KCNMA1: variants seen among roughly 807,000 people sequenced by gnomAD.
KCNMA1 encodes the protein Calcium-activated potassium channel subunit alpha-1.
In KCNMA1, 29 loss-of-function variants were observed where a neutral mutation model predicts 140.0. That is an observed-to-expected ratio of 0.21 (90% CI 0.15 to 0.28). The LOEUF is 0.28. Among genes scored for constraint, KCNMA1 ranks in the 10% least tolerant of loss-of-function variants. The pLI is 1.00. For synonymous variants in KCNMA1, 612 were observed against 611.9 expected (o/e 1.00, Z 0.00); for missense variants, 880 against 1,602.2 (o/e 0.55, Z 7.70).
intron 5 of KCNMA1, chr10:77,140,791 A>G (rs2574802): frequency 0.4 from 60,470 of 151,900 alleles, 13,177 homozygotes; most frequent in East Asian, 0.88. Flanking sequence ...CGGGGGAAGC[A>G]CTCTGATCCA....
At chr10:77,052,820 G>A (rs2095417461) in intron 14 of KCNMA1, among the ~76,000 whole-genome samples, 1 of 152,046 alleles carries the variant, frequency 6.6e-6, no homozygotes, top group Non-Finnish European at 1.5e-5. Flanking sequence ...TTGCAGTCAA[G>A]CAGACCCATG....
intron 5 of KCNMA1, among the ~76,000 whole-genome samples, chr10:77,162,402 G>A (rs550440715): frequency 5.9e-5 from 9 of 152,264 alleles, no homozygotes; most frequent in Middle Eastern, 3.4e-3. Context: ...ATTAAGACAG[G>A]CCAGAAACAG....
At chr10:77,568,679 C>T (rs1165542810) in intron 1 of KCNMA1, among the ~76,000 whole-genome samples, 4 of 148,942 alleles carry the variant, frequency 2.7e-5, no homozygotes, top group Non-Finnish European at 4.5e-5. Context: ...TGGCACAAGA[C>T]AGGGATGCCC....
chr10:76,892,789 A>G (rs531080046), intron 25 of KCNMA1, among the ~76,000 whole-genome samples: 7 of 152,196 alleles, frequency 4.6e-5, no homozygotes, highest in Non-Finnish European at 1.0e-4. Flanking sequence ...TCTCGTCTGT[A>G]AAATAACAGT....
chr10:76,964,594 A>G (rs1303120001), intron 20 of KCNMA1, among the ~76,000 whole-genome samples: 1 of 152,138 alleles, frequency 6.6e-6, no homozygotes, highest in Non-Finnish European at 1.5e-5. Flanking sequence ...TTACTTAGCT[A>G]AGCTGTCCCT....
At chr10:77,586,742 A>G (rs1236147767) in intron 1 of KCNMA1, among the ~76,000 whole-genome samples, 1 of 152,226 alleles carries the variant, frequency 6.6e-6, no homozygotes, top group African/African-American at 2.4e-5. Flanking sequence ...TGTGCATACC[A>G]GTGGAGTACT....
intron 9 of KCNMA1, among the ~76,000 whole-genome samples, chr10:77,096,358 C>T (rs907839269): frequency 1.3e-5 from 2 of 152,104 alleles, no homozygotes; most frequent in South Asian, 2.1e-4. Flanking sequence ...GTTCTCTGTC[C>T]GACCTTAGTT....
intron 2 of KCNMA1, among the ~76,000 whole-genome samples, chr10:77,295,143 T>C (rs1213149044): frequency 6.7e-6 from 1 of 148,354 alleles, no homozygotes; most frequent in African/African-American, 2.5e-5. Flanking sequence ...AGGACAGGAG[T>C]TCAAGACCAG....
intron 2 of KCNMA1, among the ~76,000 whole-genome samples, chr10:77,359,734 G>C (rs1028508106): frequency 6.6e-6 from 1 of 152,234 alleles, no homozygotes; most frequent in African/African-American, 2.4e-5. Context: ...TGCCCACGGA[G>C]ATGGGAGCTC....
At chr10:77,464,277 C>T (rs1364713527) in intron 1 of KCNMA1, among the ~76,000 whole-genome samples, 1 of 152,124 alleles carries the variant, frequency 6.6e-6, no homozygotes, top group African/African-American at 2.4e-5. Context: ...ATCTGCAGGC[C>T]TCGGAAGCAT....
chr10:76,887,849 T>C (rs1358646243), intron 27 of KCNMA1: 1 of 350,420 alleles, frequency 2.9e-6, no homozygotes, highest in Admixed American at 4.2e-5. Context: ...AGAGGTTTCA[T>C]GAAGTGTGAT....
At chr10:77,189,255 G>C (rs1013557113) in intron 3 of KCNMA1, among the ~76,000 whole-genome samples, 1 of 152,112 alleles carries the variant, frequency 6.6e-6, no homozygotes, top group Non-Finnish European at 1.5e-5. Context: ...TGCTGCTCGA[G>C]AAGCTTCCCA....
intron 1 of KCNMA1, among the ~76,000 whole-genome samples, chr10:77,591,099 G>A (rs1229596665): frequency 2.6e-5 from 4 of 152,126 alleles, no homozygotes; most frequent in East Asian, 3.9e-4. Context: ...CGCAGGCCAC[G>A]TCCAGGCCTC....
intron 5 of KCNMA1, among the ~76,000 whole-genome samples, chr10:77,168,977 T>C (rs1597742514): frequency 1.3e-5 from 2 of 152,344 alleles, no homozygotes; most frequent in South Asian, 2.1e-4. Flanking sequence ...AAGAAAACTT[T>C]ATTTACAAAA....
intron 3 of KCNMA1, among the ~76,000 whole-genome samples, chr10:77,217,956 TGCCATTTATAATA>T (rs1388684091): frequency 6.6e-6 from 1 of 152,186 alleles, no homozygotes; most frequent in East Asian, 1.9e-4. Context: ...AAACTATCTA[TGCCATTTATAATA>T]GCCATTTCCA....
chr10:76,882,050 G>A (rs2034894262), downstream of KCNMA1, among the ~76,000 whole-genome samples: 1 of 152,148 alleles, frequency 6.6e-6, no homozygotes, highest in Non-Finnish European at 1.5e-5. Context: ...CCAGCCACAG[G>A]GCTGCAGGTC....
At chr10:77,493,222 AC>A (rs1435684114) in intron 1 of KCNMA1, among the ~76,000 whole-genome samples, 2 of 152,236 alleles carry the variant, frequency 1.3e-5, no homozygotes, top group African/African-American at 4.8e-5. Flanking sequence ...CTCCAAGGGC[AC>A]CCCGGCTAAT....
intron 3 of KCNMA1, among the ~76,000 whole-genome samples, chr10:77,234,664 T>G (rs149205225): frequency 1.5e-4 from 23 of 152,332 alleles, no homozygotes; most frequent in African/African-American, 5.5e-4. Flanking sequence ...TGTGCTGTAT[T>G]AAGTGCTTGA....
At chr10:77,010,631 G>C (rs1478359637) in intron 18 of KCNMA1, among the ~76,000 whole-genome samples, 1 of 152,026 alleles carries the variant, frequency 6.6e-6, no homozygotes, top group East Asian at 1.9e-4. Flanking sequence ...AACTTCTCTA[G>C]ACCAAGAGTG....
Sources: gnomAD v4.1 joint callset for allele counts (sites outside exome capture counted in the v4.1 genomes callset) on GRCh38, gnomAD v4.1.1 for gene constraint, MANE v1.5 for transcripts, NCBI Gene and HGNC (gene_info 2026-07-23, HGNC 2026-07-21) for gene names.